The following PLXDC2 variants were observed in gnomAD, a reference collection of about 807,000 sequenced individuals.
The protein encoded by PLXDC2 is plexin domain containing 2, also known as plexin domain-containing protein 2.
A neutral mutation model predicts 68.9 loss-of-function variants in PLXDC2; 40 were observed. The ratio of observed to expected loss-of-function variants is 0.58; its 90% CI spans 0.45 to 0.76. The LOEUF is 0.76. Ranked by LOEUF, PLXDC2 falls within the 30% of genes least tolerant of loss-of-function variation. The pLI, the probability that PLXDC2 is intolerant of heterozygous loss-of-function variation, is 0.00. For synonymous variants in PLXDC2, 243 were observed against 234.2 expected (o/e 1.04, Z -0.34); for missense variants, 644 against 661.9 (o/e 0.97, Z 0.30).
chr10:19,972,911 G>A, intron 1 of PLXDC2, among the ~76,000 whole-genome samples: 1 of 152,078 alleles, frequency 6.6e-6, no homozygotes, highest in East Asian at 1.9e-4. Context: ...TCTACATGTA[G>A]TGAATAATCA....
chr10:20,036,443 C>T (rs1304722774), intron 2 of PLXDC2, among the ~76,000 whole-genome samples: 2 of 152,168 alleles, frequency 1.3e-5, no homozygotes, highest in Non-Finnish European at 2.9e-5. Context: ...AACTGTGAGA[C>T]ATAAATTTCT....
At chr10:19,992,969 G>A (rs894451224) in intron 1 of PLXDC2, among the ~76,000 whole-genome samples, 4 of 152,136 alleles carry the variant, frequency 2.6e-5, no homozygotes, top group African/African-American at 9.7e-5. Context: ...AGGCAGATTA[G>A]ACAGGAATTA....
intron 1 of PLXDC2, among the ~76,000 whole-genome samples, chr10:19,866,705 G>A (rs1183964525): frequency 6.6e-6 from 1 of 152,158 alleles, no homozygotes; most frequent in Non-Finnish European, 1.5e-5. Context: ...AGGAGAATAG[G>A]CTGCTACTGC....
intron 1 of PLXDC2, among the ~76,000 whole-genome samples, chr10:19,861,590 C>T (rs1480938842): frequency 6.6e-6 from 1 of 152,124 alleles, no homozygotes; most frequent in Non-Finnish European, 1.5e-5. Context: ...GTTGAGTTCA[C>T]CTAAGGTACT....
chr10:20,115,016 G>T (rs907122560), intron 4 of PLXDC2, among the ~76,000 whole-genome samples: 2 of 152,074 alleles, frequency 1.3e-5, no homozygotes, highest in African/African-American at 2.4e-5. Flanking sequence ...AAATAAATCC[G>T]CAATGCAATT....
At chr10:20,183,233 T>C (rs572296067) in intron 9 of PLXDC2, among the ~76,000 whole-genome samples, 40 of 152,020 alleles carry the variant, frequency 2.6e-4, no homozygotes, top group African/African-American at 9.2e-4. Flanking sequence ...GAGGTTCAGA[T>C]TGTAGAATCA....
chr10:20,225,434 T>C (rs1053932623), intron 12 of PLXDC2, among the ~76,000 whole-genome samples: 1 of 152,156 alleles, frequency 6.6e-6, no homozygotes. Context: ...GAAACTGTTA[T>C]TTCATTTTAA....
At chr10:19,883,933 G>T (rs894084517) in intron 1 of PLXDC2, among the ~76,000 whole-genome samples, 1 of 107,508 alleles carries the variant, frequency 9.3e-6, no homozygotes, top group Admixed American at 1.1e-4. Context: ...TCTGACTCCT[G>T]CCCTGGCTGG....
At chr10:20,045,085 GTTC>G (rs1835773904) in intron 2 of PLXDC2, among the ~76,000 whole-genome samples, 3 of 152,112 alleles carry the variant, frequency 2.0e-5, no homozygotes, top group Admixed American at 6.6e-5. Context: ...CATCTACTTT[GTTC>G]TTCTTTCTCT....
intron 1 of PLXDC2, among the ~76,000 whole-genome samples, chr10:19,864,714 A>G (rs150606538): frequency 6.9e-4 from 105 of 152,310 alleles, no homozygotes; most frequent in African/African-American, 2.3e-3. Context: ...ATGAAGATGC[A>G]ATGATGAATA....
Position 20,046,865 on chromosome 10 carries a change from G to T in PLXDC2, c.325-4G>T, listed in dbSNP as rs1324530649. On this transcript the variant is annotated splice_region_variant and splice_polypyrimidine_tract_variant and intron_variant, in intron 2 of 13. Coordinates refer to ENST00000377252, the MANE Select transcript of PLXDC2 (RefSeq NM_032812.9). ...TTGATATACATTATTATCTATTATT[G>T]CAGGAGGATACAGACCACAATTACT... 1.3e-6 allele frequency: 2 copies of T among 1,595,428 alleles called. No homozygotes were observed. Among genetic ancestry groups the T allele is most frequent in the Non-Finnish European group, 1.7e-6 (2 of 1,173,198 alleles).
chr10:20,242,817 C>A (rs1383292249), intron 12 of PLXDC2, among the ~76,000 whole-genome samples: 1 of 152,156 alleles, frequency 6.6e-6, no homozygotes, highest in Non-Finnish European at 1.5e-5. Flanking sequence ...TCAAGCAATT[C>A]TCCTGTCTCA....
intron 2 of PLXDC2, among the ~76,000 whole-genome samples, chr10:20,044,122 T>TCCTTCCTTCCTTCCTCCCTCCCTTCCTC (rs71388894): frequency 6.0e-5 from 6 of 99,780 alleles, no homozygotes; most frequent in African/African-American, 2.1e-4. Flanking sequence ...CTTCCTTCCT[T>TCCTTCCTTCCTTCCTCCCTCCCTTCCTC]CCTCCCTCCC....
intron 1 of PLXDC2, among the ~76,000 whole-genome samples, chr10:19,962,030 A>G (rs1358563456): frequency 6.6e-6 from 1 of 152,166 alleles, no homozygotes; most frequent in African/African-American, 2.4e-5. Context: ...TATCATGCGG[A>G]AATGAGGTGT....
At chr10:20,082,795 C>A (rs928538061) in intron 4 of PLXDC2, among the ~76,000 whole-genome samples, 1 of 152,100 alleles carries the variant, frequency 6.6e-6, no homozygotes, top group African/African-American at 2.4e-5. Context: ...TGAGGATGTT[C>A]AGGTTTTGGA....
chr10:20,051,614 A>G (rs1835902871), intron 3 of PLXDC2, among the ~76,000 whole-genome samples: 1 of 151,640 alleles, frequency 6.6e-6, no homozygotes, highest in Non-Finnish European at 1.5e-5. Context: ...TTTTTACTTC[A>G]TGATATGTTT....
chr10:20,229,837 T>C (rs11011892), intron 12 of PLXDC2, among the ~76,000 whole-genome samples: 19,631 of 152,206 alleles, frequency 0.13, 1,669 homozygotes, highest in African/African-American at 0.24. Flanking sequence ...GAATGTTATT[T>C]CAGTTACAGT....
chr10:20,061,518 A>G (rs1403656885), intron 3 of PLXDC2, among the ~76,000 whole-genome samples: 1 of 152,214 alleles, frequency 6.6e-6, no homozygotes, highest in Non-Finnish European at 1.5e-5. Flanking sequence ...TACCTGGTTA[A>G]GGTGATACCT....
intron 1 of PLXDC2, among the ~76,000 whole-genome samples, chr10:19,856,574 C>T (rs1202741123): frequency 5.9e-5 from 9 of 152,136 alleles, no homozygotes; most frequent in South Asian, 2.1e-4. Context: ...TCACTGTAAG[C>T]GCAGCAAGGA....
Sources: allele counts gnomAD v4.1 joint callset (sites outside exome capture counted in the v4.1 genomes callset), GRCh38; gene constraint gnomAD v4.1.1; transcripts MANE v1.5; gene names NCBI Gene and HGNC (gene_info 2026-07-23, HGNC 2026-07-21).